NELFCD: variants seen among roughly 807,000 people sequenced by gnomAD.
NELFCD encodes negative elongation factor complex member C/D, also known as negative elongation factor C/D.
A neutral mutation model predicts 72.9 loss-of-function variants in NELFCD; 48 were observed. That is an observed-to-expected ratio of 0.66 (90% CI 0.52 to 0.84). The LOEUF (loss-of-function observed/expected upper bound fraction) is 0.84. Among genes scored for constraint, NELFCD ranks in the 40% least tolerant of loss-of-function variants. The pLI is 0.00. For synonymous variants in NELFCD, 297 were observed against 280.6 expected, an observed-to-expected ratio of 1.06 and a Z score of -0.59; for missense variants, 538 against 723.8, an observed-to-expected ratio of 0.74 and a Z score of 2.94.
intron 1 of NELFCD, among the ~76,000 whole-genome samples, chr20:58,983,094 G>A (rs914259704): frequency 6.6e-6 from 1 of 151,364 alleles, no homozygotes; most frequent in Non-Finnish European, 1.5e-5. Context: ...CTTAGTGGTA[G>A]GTTGGTGTTT....
chr20:58,987,901 T>C (rs1432240112), intron 4 of NELFCD, 84 bp downstream of exon 4: 46 of 973,502 alleles, frequency 4.7e-5, no homozygotes, highest in Non-Finnish European at 7.3e-5. Context: ...TGGCATATCA[T>C]GTAAGTAATG....
At chr20:58,988,808 G>A in intron 4 of NELFCD, 106 bp from the exon 5 acceptor site, 1 of 780,442 alleles carries the variant, frequency 1.3e-6, no homozygotes, top group East Asian at 2.7e-5. Flanking sequence ...GATGCCCATG[G>A]GGAGTCCATC....
At chr20:58,990,831 A>G (rs2091810573) in intron 7 of NELFCD, 79 bp from the exon 8 acceptor site, 9 of 1,262,976 alleles carry the variant, frequency 7.1e-6, no homozygotes, top group Non-Finnish European at 1.0e-5. Context: ...CCAACAATGC[A>G]AAGTATTATA....
chr20:58,986,955 T>C lies in NELFCD; in HGVS notation c.286+92T>C. ...CTTATAACACTGATACAATGCCTTC[T>C]TTGATTTCCTGGTTTCTGAGACTTG... is the stretch of plus-strand genomic sequence containing the variant. On this transcript the variant is annotated intron_variant, in intron 3 of 14. Transcript: ENST00000652272. The surrounding 1 kb of genome is among the most constrained non-coding windows in gnomAD (Gnocchi z 4.4). 2 of 688,372 alleles carry C rather than the reference T, an allele frequency of 2.9e-6. No individual in the cohort carries two copies. The highest frequency in any genetic ancestry group is 5.0e-6 in the Non-Finnish European group (2 of 401,952). 42.6% of individuals were successfully genotyped at this position (688,372 alleles called of 1,614,324 possible).
At chr20:58,992,491 C>T (rs879345094) in intron 10 of NELFCD, among the ~76,000 whole-genome samples, 2 of 152,222 alleles carry the variant, frequency 1.3e-5, no homozygotes, top group Non-Finnish European at 2.9e-5. Context: ...GAGTATCACT[C>T]ATTAATGATC....
In NELFCD at chr20:58,993,252, C is replaced by T. The variant is rs2091830545; in HGVS notation, c.1344+140C>T. ...TTATTTCTGTCCTGAGGATTTTCCT[C>T]TTAAGGACCTAGCTTCATTGACTGC... is the stretch of plus-strand genomic sequence containing the variant. On this transcript the variant is annotated intron_variant, in intron 11 of 14. Coordinates refer to ENST00000652272, the MANE Select transcript of NELFCD (RefSeq NM_198976.4). This position sits in a 1 kb window ranked among gnomAD's most constrained non-coding sequence, Gnocchi z 5.0. 7 of 833,098 alleles carry T rather than the reference C, an allele frequency of 8.4e-6. No individual in the cohort carries two copies. In the Admixed American group the frequency reaches 1.0e-4, roughly 12 times the overall value. The allele number at this position is 833,098 out of a possible 1,614,324, so 51.6% of individuals were successfully genotyped here. A position where few individuals can be genotyped will look rare whatever the true frequency, so the allele number is the denominator to read the frequency against.
rs2091784592 is a variant in NELFCD, at chr20:58,987,919, T to A, written c.396+102T>A. 5 of 829,378 alleles carry A rather than the reference T, an allele frequency of 6.0e-6. No homozygotes were observed. In the East Asian group the frequency reaches 1.3e-4, roughly 21 times the overall value. The allele number at this position is 829,378 out of a possible 1,614,324, so 51.4% of individuals were successfully genotyped here. A position where few individuals can be genotyped will look rare whatever the true frequency, so the allele number is the denominator to read the frequency against. On this transcript the variant is annotated intron_variant, in intron 4 of 14. Transcript: ENST00000652272. ...CATATCATGTAAGTAATGGCAGAGTTGAGGACTAAAATCAGAGTGTGAGAC... is the reference window on the plus strand; with the variant it reads ...CATATCATGTAAGTAATGGCAGAGTAGAGGACTAAAATCAGAGTGTGAGAC...
Position 58,981,283 on chromosome 20 carries a change from A to C in NELFCD, c.-27A>C, listed in dbSNP as rs770904616. 9.4e-7 allele frequency: 1 copy of C among 1,060,210 alleles called. No individual in the cohort carries two copies. The highest frequency in any genetic ancestry group is 1.1e-6 in the Non-Finnish European group (1 of 876,672). 65.7% of individuals were successfully genotyped at this position (1,060,210 alleles called of 1,614,324 possible). Reference sequence around the variant, plus strand: ...GCGCCGCGCTCGCTCGCGGGAGGGCATGGCGGGGGCCGTGCCGGGCGCCAT... The same window carrying C: ...GCGCCGCGCTCGCTCGCGGGAGGGCCTGGCGGGGGCCGTGCCGGGCGCCAT... On this transcript the variant is annotated 5_prime_UTR_variant, in exon 1 of 15. It removes an upstream start codon present in the reference 5' UTR. Transcript: ENST00000652272.
Position 58,991,427 on chromosome 20 carries a change from T to C in NELFCD, c.1070T>C (p.Val357Ala). Residue 357 changes from valine (V) to alanine (A), a missense_variant, in exon 9 of 15, where the codon GTG becomes GCG. Coordinates refer to ENST00000652272, the MANE Select transcript of NELFCD (RefSeq NM_198976.4). ...CACATCTTGGCGTACGCAGCAAGCG[T>C]GGTTGAGACCTGGAAGAAGGTACCA... is the stretch of plus-strand genomic sequence containing the variant. Reference protein sequence around the residue: ...YIHILAYAASVVETWKKNKRV... With the variant: ...YIHILAYAASAVETWKKNKRV... The C allele has an allele frequency of 6.2e-7, 1 of 1,614,212 alleles. No homozygotes were observed. Among genetic ancestry groups the C allele is most frequent in the Non-Finnish European group, 8.5e-7 (1 of 1,180,034 alleles).
In NELFCD at chr20:58,993,403, A is replaced by G; in HGVS notation, c.1345-46A>G. The stretch of plus-strand genomic sequence containing the variant: ...CAGTGCCCAGTTTCTCTGTGTGCTG[A>G]GCGTGACCACACTGCTCAGCGAAGC... On this transcript the variant is annotated intron_variant, in intron 11 of 14. Transcript: ENST00000652272. This position sits in a 1 kb window ranked among gnomAD's most constrained non-coding sequence, Gnocchi z 5.0. 6.4e-7 allele frequency: 1 copy of G among 1,574,432 alleles called. No individual in the cohort carries two copies. The highest frequency in any genetic ancestry group is 8.7e-7 in the Non-Finnish European group (1 of 1,147,706).
chr20:58,991,958 C>G lies in NELFCD; in HGVS notation c.1167C>G (p.Cys389Trp), dbSNP rs1446351593. ...TCGAAACCGTTCACAATTTGTGTTG[C>G]AACGAGAACAAAGGGGCCTCTGAAC... ...KAVETVHNLC[C>W]NENKGASELV... Residue 389 changes from cysteine to tryptophan, a missense_variant, in exon 10 of 15, where the codon TGC (cysteine) becomes TGG (tryptophan). Around this residue, in one of 3 missense-constraint regions of NELFCD, gnomAD observed 355 missense variants for 534.5 expected, o/e 0.66. Transcript: ENST00000652272. The G allele has an allele frequency of 6.2e-7, 1 of 1,614,174 alleles. No individual in the cohort carries two copies. The highest frequency in any genetic ancestry group is 1.7e-5 in the Admixed American group (1 of 60,022).
At chr20:58,991,600 C>T (rs182189227) in intron 9 of NELFCD, 154 bp downstream of exon 9, 389 of 879,088 alleles carry the variant, frequency 4.4e-4, no homozygotes, top group African/African-American at 3.7e-3. Flanking sequence ...AAGCACTAAA[C>T]GTCTCCAGAA....
At chr20:58,987,605 C>CT in intron 3 of NELFCD, 103 bp from the exon 4 acceptor site, 3 of 902,244 alleles carry the variant, frequency 3.3e-6, no homozygotes, top group Non-Finnish European at 3.5e-6. Flanking sequence ...AGAAGCAATT[C>CT]TTTGGTATTT....
Position 58,993,261 on chromosome 20 carries a change from C to G in NELFCD, c.1344+149C>G. 1.2e-6 allele frequency: 1 copy of G among 820,636 alleles called. No homozygotes were observed. The highest frequency in any genetic ancestry group is 2.7e-5 in the East Asian group (1 of 37,560). 50.8% of individuals were successfully genotyped at this position (820,636 alleles called of 1,614,324 possible). On this transcript the variant is annotated intron_variant, in intron 11 of 14. Transcript: ENST00000652272. This position sits in a 1 kb window ranked among gnomAD's most constrained non-coding sequence, Gnocchi z 5.0. ...TCCTGAGGATTTTCCTCTTAAGGAC[C>G]TAGCTTCATTGACTGCAGAAATTTC...
In NELFCD at chr20:58,993,587, CCT is replaced by C; in HGVS notation, c.1441-32_1441-31del. ...GGCTTGCCAGAGGGCTGAGGAGGAC[CCT>C]CTCTAACCAGCTCCCTGTCCCCCTT... On this transcript the variant is annotated intron_variant, in intron 12 of 14. Transcript: ENST00000652272. The surrounding 1 kb of genome is among the most constrained non-coding windows in gnomAD (Gnocchi z 5.0). The C allele has an allele frequency of 6.2e-7, 1 of 1,614,118 alleles. No individual in the cohort carries two copies.
chr20:58,981,526 AGCCCGCCCCGCCCCC>A (rs1194100971), intron 1 of NELFCD, among the ~76,000 whole-genome samples, 157 bp downstream of exon 1: 3 of 146,222 alleles, frequency 2.1e-5, no homozygotes, highest in East Asian at 4.1e-4. Context: ...GTTCAAGCAC[AGCCCGCCCCGCCCCC>A]GCCCGCCCGG....
chr20:58,986,519 T>C lies in NELFCD; in HGVS notation c.177-235T>C, dbSNP rs1013410061. ...CATGCCTGGCTATTTTTGTTTTTGT[T>C]TTTTGGGAGAGACAGGGCTCCTTAC... On this transcript the variant is annotated intron_variant, in intron 2 of 14. Coordinates refer to ENST00000652272, the MANE Select transcript of NELFCD (RefSeq NM_198976.4). This position sits in a 1 kb window ranked among gnomAD's most constrained non-coding sequence, Gnocchi z 4.4. 10 of 558,206 alleles carry C rather than the reference T, an allele frequency of 1.8e-5. No homozygotes were observed. The South Asian group carries it at 2.2e-4, about 12-fold the overall frequency. The allele number at this position is 558,206 out of a possible 1,614,324, so 34.6% of individuals were successfully genotyped here. A position where few individuals can be genotyped will look rare whatever the true frequency, so the allele number is the denominator to read the frequency against.
chr20:58,988,062 T>G, intron 4 of NELFCD: 1 of 488,402 alleles, frequency 2.0e-6, no homozygotes, highest in Non-Finnish European at 3.7e-6. Flanking sequence ...GTTCCCACCA[T>G]TTCCCCTCTC....
rs1213882691 is a variant in NELFCD, at chr20:58,981,279, G to A, written c.-31G>A. 6 of 1,067,586 alleles carry A rather than the reference G, an allele frequency of 5.6e-6. No homozygotes were observed. The highest frequency in any genetic ancestry group is 6.8e-6 in the Non-Finnish European group (6 of 881,414). 66.1% of individuals were successfully genotyped at this position (1,067,586 alleles called of 1,614,324 possible). On this transcript the variant is annotated 5_prime_UTR_variant, in exon 1 of 15. Transcript: ENST00000652272. ...GCATGCGCCGCGCTCGCTCGCGGGA[G>A]GGCATGGCGGGGGCCGTGCCGGGCG...
Sources: gnomAD v4.1 joint callset for allele counts (sites outside exome capture counted in the v4.1 genomes callset) on GRCh38, gnomAD v4.1.1 for gene constraint, gnomAD v4.1.1 regional missense constraint, Gnocchi (gnomAD v3.1) non-coding constraint, MANE v1.5 for transcripts, NCBI Gene and HGNC (gene_info 2026-07-23, HGNC 2026-07-21) for gene names.